Variants in RIPK4 observed in about 807,000 individuals in gnomAD.
The protein encoded by RIPK4 is receptor-interacting serine/threonine-protein kinase 4.
Under a neutral mutation model 42.9 loss-of-function variants are expected in RIPK4, and 17 were observed. The ratio of observed to expected loss-of-function variants is 0.40; its 90% CI spans 0.27 to 0.59. The LOEUF (loss-of-function observed/expected upper bound fraction) is 0.59, where lower values mean the gene tolerates loss of function less well. Among genes scored for constraint, RIPK4 ranks in the 20% least tolerant of loss-of-function variants. The probability of loss-of-function intolerance (pLI) is 0.47; values close to 1 mark genes in which losing one functional copy is unlikely to be tolerated. For synonymous variants in RIPK4, 498 were observed against 499.1 expected, an observed-to-expected ratio of 1.00 and a Z score of 0.03; for missense variants, 897 against 1,104.4, an observed-to-expected ratio of 0.81 and a Z score of 2.66.
At position 41,740,695 on chromosome 21, in the gene RIPK4, T is replaced by A; in HGVS notation, c.*143A>T. 1 of 839,668 alleles carries A rather than the reference T, an allele frequency of 1.2e-6. No homozygotes were observed. Among genetic ancestry groups the A allele is most frequent in the Non-Finnish European group, 1.8e-6 (1 of 558,208 alleles). 52.0% of individuals were successfully genotyped at this position (839,668 alleles called of 1,614,324 possible). A position where few individuals can be genotyped will look rare whatever the true frequency, so the allele number is the denominator to read the frequency against. On this transcript the variant is annotated 3_prime_UTR_variant, in exon 8 of 8. Coordinates refer to ENST00000332512, the MANE Select transcript of RIPK4 (RefSeq NM_020639.3). ...GACACTCCGGTCAGCAGCAGCCGCC[T>A]CCTGATGGCACCATGTCACCTCTGC...
At position 41,740,056 on chromosome 21, in the gene RIPK4, T is replaced by G. The variant is rs2061147499; in HGVS notation, c.*782A>C. 1 of 151,664 alleles carries G rather than the reference T, an allele frequency of 6.6e-6. No individual in the cohort carries two copies. Among genetic ancestry groups the G allele is most frequent in the South Asian group, 2.1e-4 (1 of 4,790 alleles). The allele number at this position is 151,664 out of a possible 1,614,324, so 9.4% of individuals were successfully genotyped here. A position where few individuals can be genotyped will look rare whatever the true frequency, so the allele number is the denominator to read the frequency against. ...TACAAAGGGAGAATTTTTTAATGAC[T>G]TAGGCCTGTGGCTCTAGAGTTGCCA... On this transcript the variant is annotated 3_prime_UTR_variant, in exon 8 of 8. Coordinates refer to ENST00000332512, the MANE Select transcript of RIPK4 (RefSeq NM_020639.3).
At chr21:41,766,193 AC>A (rs1322823401) in intron 1 of RIPK4, among the ~76,000 whole-genome samples, 3 of 151,966 alleles carry the variant, frequency 2.0e-5, no homozygotes, top group Non-Finnish European at 2.9e-5. Flanking sequence ...ACGGATCAAC[AC>A]CCCGGGCCCC....
chr21:41,749,740 G>A (rs185353071), intron 3 of RIPK4, among the ~76,000 whole-genome samples: 1 of 152,224 alleles, frequency 6.6e-6, no homozygotes, highest in Admixed American at 6.5e-5. Flanking sequence ...TTAGAGGGTT[G>A]TTAAAGAAAG....
chr21:41,741,036 C>A lies in RIPK4; in HGVS notation c.2157G>T (p.Val719=), dbSNP rs776979756. The part of the protein sequence containing the change: ...LAAAHGHSEV[V]EELVSADVID... Reference sequence around the variant, plus strand: ...TGACATCGGCGCTGACCAACTCCTCCACCACCTCCGAGTGCCCGTGGGCGG... The same window carrying A: ...TGACATCGGCGCTGACCAACTCCTCAACCACCTCCGAGTGCCCGTGGGCGG... Residue 719 remains valine (V), a synonymous_variant, in exon 8 of 8, where the codon GTG becomes GTT. Coordinates refer to ENST00000332512, the MANE Select transcript of RIPK4 (RefSeq NM_020639.3). 6.2e-7 allele frequency: 1 copy of A among 1,609,622 alleles called. No individual in the cohort carries two copies. The highest frequency in any genetic ancestry group is 1.3e-5 in the African/African-American group (1 of 74,908).
Position 41,740,982 on chromosome 21 carries a change from G to GCTGAGCCC in RIPK4, c.2203_2210dup (p.Ser737ArgfsTer87). 6.2e-7 allele frequency: 1 copy of GCTGAGCCC among 1,610,666 alleles called. No homozygotes were observed. Among genetic ancestry groups the GCTGAGCCC allele is most frequent in the Non-Finnish European group, 8.5e-7 (1 of 1,179,590 alleles). On this transcript the variant is annotated frameshift_variant, in exon 8 of 8. Coordinates refer to ENST00000332512, the MANE Select transcript of RIPK4 (RefSeq NM_020639.3). LOFTEE classifies it high-confidence loss of function. Reference sequence around the variant, plus strand: ...GGCCCTGGGCGGCCAGGTGCAGCGCGCTGAGCCCCTGCTCGTCGAACAGGT... The same window carrying GCTGAGCCC: ...GGCCCTGGGCGGCCAGGTGCAGCGCGCTGAGCCCCTGAGCCCCTGCTCGTCGAACAGGT...
chr21:41,745,883 C>T (rs1228822893), intron 5 of RIPK4, 21 bp from the exon 6 acceptor site: 12 of 1,572,024 alleles, frequency 7.6e-6, no homozygotes, highest in Non-Finnish European at 1.1e-5. Context: ...AGAAAGGGGA[C>T]ATGTCACTCG....
At position 41,744,035 on chromosome 21, in the gene RIPK4, C is replaced by G. The variant is rs143467171; in HGVS notation, c.1042G>C (p.Glu348Gln). ...CTGCGGCTGAGCTCCTCGGGGCCCT[C>G]GACAGCCTGGGAAACTCCAGAGTCC... ...QLDSGVSQAV[E>Q]GPEELSRSSS... is the part of the protein sequence containing the mutation. The change falls in exon 7 of 8, where the codon GAG becomes CAG. Residue 348 changes from glutamate (E) to glutamine (Q), a missense_variant. Coordinates refer to ENST00000332512, the MANE Select transcript of RIPK4 (RefSeq NM_020639.3). The G allele has an allele frequency of 6.2e-7, 1 of 1,613,068 alleles. No homozygotes were observed. Among genetic ancestry groups the G allele is most frequent in the Non-Finnish European group, 8.5e-7 (1 of 1,179,956 alleles).
chr21:41,749,889 TAAAA>T (rs776305508), intron 3 of RIPK4, among the ~76,000 whole-genome samples: 1 of 99,398 alleles, frequency 1.0e-5, no homozygotes, highest in Non-Finnish European at 2.1e-5. Flanking sequence ...CCAAATTGAT[TAAAA>T]AAAAAAAAAA....
rs565784923 is a variant in RIPK4 at position 41,742,016 on chromosome 21, C to T, written c.1196-19G>A. 6.4e-7 allele frequency: 1 copy of T among 1,564,206 alleles called. No homozygotes were observed. The highest frequency in any genetic ancestry group is 8.7e-7 in the Non-Finnish European group (1 of 1,153,006). On this transcript the variant is annotated intron_variant, in intron 7 of 7. Coordinates refer to ENST00000332512, the MANE Select transcript of RIPK4 (RefSeq NM_020639.3). This position sits in a 1 kb window ranked among gnomAD's most constrained non-coding sequence, Gnocchi z 5.1. ...CCCAGATCTGCAGGGAGAGGAGAGGCAAAGGTCAGAGCGTGGCTGCACATC... is the reference window on the plus strand; with the variant it reads ...CCCAGATCTGCAGGGAGAGGAGAGGTAAAGGTCAGAGCGTGGCTGCACATC...
At position 41,756,665 on chromosome 21, in the gene RIPK4, G is replaced by A. The variant is rs780754413; in HGVS notation, c.334C>T (p.Pro112Ser). ...GSLEKLLASE[P>S]LPWDLRFRII... Reference sequence around the variant, plus strand: ...CGGAACCGGAGATCCCATGGCAATGGCTCCGAAGCCAGCAGCTTTTCCAGG... The same window carrying A: ...CGGAACCGGAGATCCCATGGCAATGACTCCGAAGCCAGCAGCTTTTCCAGG... Residue 112 changes from proline (P) to serine (S), a missense_variant, in exon 2 of 8, where the codon CCA becomes TCA. Coordinates refer to ENST00000332512, the MANE Select transcript of RIPK4 (RefSeq NM_020639.3). 3.1e-6 allele frequency: 5 copies of A among 1,614,154 alleles called. No homozygotes were observed. The highest frequency in any genetic ancestry group is 4.2e-6 in the Non-Finnish European group (5 of 1,180,050).
intron 1 of RIPK4, among the ~76,000 whole-genome samples, chr21:41,761,194 G>A (rs1405555464): frequency 2.0e-5 from 3 of 152,234 alleles, no homozygotes; most frequent in Non-Finnish European, 4.4e-5. Context: ...TGATGCCAAC[G>A]TCAAGCATCA....
At chr21:41,752,461 C>T (rs1184119591) in intron 2 of RIPK4, among the ~76,000 whole-genome samples, 1 of 151,972 alleles carries the variant, frequency 6.6e-6, no homozygotes, top group South Asian at 2.1e-4. Context: ...GAGCAGGGAC[C>T]GGCCCTCCTT....
rs371705604 is a variant in RIPK4, at chr21:41,741,359, C to G, written c.1834G>C (p.Ala612Pro). Residue 612 changes from alanine (A) to proline (P), a missense_variant, in exon 8 of 8, where the codon GCA becomes CCA. Physicochemically the swap from Ala to Pro is conservative, Grantham distance 27. Coordinates refer to ENST00000332512, the MANE Select transcript of RIPK4 (RefSeq NM_020639.3). ...GCCACGCGGTAGTGCCCGCGCTGTG[C>G]GGCCAGGTGCAATGGCGTCCTCCCA... ...LDGRTPLHLA[A>P]QRGHYRVARI... 3.7e-6 allele frequency: 6 copies of G among 1,611,514 alleles called. No individual in the cohort carries two copies. Among genetic ancestry groups the G allele is most frequent in the Non-Finnish European group, 5.1e-6 (6 of 1,179,818 alleles).
At chr21:41,753,545 C>T (rs1006306528) in intron 2 of RIPK4, among the ~76,000 whole-genome samples, 1 of 152,230 alleles carries the variant, frequency 6.6e-6, no homozygotes, top group Non-Finnish European at 1.5e-5. Context: ...TCCCCTCCGC[C>T]TTTCCTCATC....
intron 4 of RIPK4, among the ~76,000 whole-genome samples, chr21:41,748,509 T>C (rs544381876): frequency 5.1e-4 from 77 of 152,326 alleles, no homozygotes; most frequent in African/African-American, 1.7e-3. Flanking sequence ...ACACCACAGC[T>C]CTCAAGCTGG....
At position 41,744,052 on chromosome 21, in the gene RIPK4, CCA is replaced by C. The variant is rs1569100253; in HGVS notation, c.1023_1024del (p.Gly342SerfsTer17). 1 of 1,612,974 alleles carries C rather than the reference CCA, an allele frequency of 6.2e-7. No individual in the cohort carries two copies. The highest frequency in any genetic ancestry group is 8.5e-7 in the Non-Finnish European group (1 of 1,179,892). On this transcript the variant is annotated frameshift_variant, in exon 7 of 8. Coordinates refer to ENST00000332512, the MANE Select transcript of RIPK4 (RefSeq NM_020639.3). LOFTEE classifies it high-confidence loss of function. ...GGGGCCCTCGACAGCCTGGGAAACTCCAGAGTCCAGCTGTGAGAGCAGCTCGG... is the reference window on the plus strand; with the variant it reads ...GGGGCCCTCGACAGCCTGGGAAACTCGAGTCCAGCTGTGAGAGCAGCTCGG...
chr21:41,746,267 A>C (rs1379270100), intron 5 of RIPK4: 2 of 578,642 alleles, frequency 3.5e-6, no homozygotes, highest in Admixed American at 5.1e-5. Context: ...TCCTCAAGAG[A>C]AGGGCGACGC....
chr21:41,744,657 C>T (rs1462126780), intron 6 of RIPK4, among the ~76,000 whole-genome samples: 2 of 152,180 alleles, frequency 1.3e-5, no homozygotes, highest in African/African-American at 2.4e-5. Context: ...GCATGTATGG[C>T]GGGACACAGC....
At chr21:41,752,369 C>T (rs1317678479) in intron 2 of RIPK4, among the ~76,000 whole-genome samples, 1 of 152,212 alleles carries the variant, frequency 6.6e-6, no homozygotes, top group East Asian at 1.9e-4. Context: ...CAGCACCAAA[C>T]AGCTGGGAGA....
Sources: allele counts gnomAD v4.1 joint callset (sites outside exome capture counted in the v4.1 genomes callset), GRCh38; gene constraint gnomAD v4.1.1; non-coding constraint Gnocchi (gnomAD v3.1); transcripts MANE v1.5; gene names NCBI Gene and HGNC (gene_info 2026-07-23, HGNC 2026-07-21).